Variants in AP4E1 observed in about 807,000 individuals in gnomAD.
AP4E1 encodes adaptor related protein complex 4 subunit epsilon 1.
In AP4E1, 56 loss-of-function variants were observed where a neutral mutation model predicts 128.2. The observed-to-expected ratio is 0.44, with a 90% CI of 0.35 to 0.55. AP4E1 has a LOEUF of 0.55. AP4E1 is among the 20% of genes least tolerant of loss of function. The probability of loss-of-function intolerance (pLI) is 0.00; values close to 1 mark genes in which losing one functional copy is unlikely to be tolerated. For missense variants in AP4E1, 1,324 were observed against 1,307.7 expected (o/e 1.01, Z -0.19); for synonymous variants, 484 against 473.1 (o/e 1.02, Z -0.30).
chr15:50,991,946 C>A (rs2064811277), intron 16 of AP4E1, among the ~76,000 whole-genome samples: 1 of 149,432 alleles, frequency 6.7e-6, no homozygotes, highest in African/African-American at 2.5e-5. Context: ...AAGTCAAGTG[C>A]CAAGGACACA....
intron 8 of AP4E1, among the ~76,000 whole-genome samples, chr15:50,937,795 A>G (rs900828219): frequency 6.6e-6 from 1 of 152,116 alleles, no homozygotes; most frequent in Non-Finnish European, 1.5e-5. Flanking sequence ...TTCAGAGACA[A>G]TGTCTCACCA....
intron 1 of AP4E1, among the ~76,000 whole-genome samples, chr15:50,910,728 T>C (rs2063556859): frequency 6.6e-6 from 1 of 152,262 alleles, no homozygotes; most frequent in Admixed American, 6.5e-5. Context: ...CAATCTTGGC[T>C]CACTGCAACT....
chr15:50,945,557 CT>C (rs1378507313), intron 10 of AP4E1: 8 of 740,410 alleles, frequency 1.1e-5, no homozygotes, highest in Non-Finnish European at 2.0e-5. Flanking sequence ...GAGCTTGTGT[CT>C]GCTAGTTTCG....
chr15:50,939,216 T>C (rs1429723865), intron 8 of AP4E1, among the ~76,000 whole-genome samples: 1 of 152,176 alleles, frequency 6.6e-6, no homozygotes, highest in African/African-American at 2.4e-5. Flanking sequence ...CTCATGCCTG[T>C]AATCCCAGCA....
At chr15:50,981,573 TTGTAA>T (rs1380762780) in intron 15 of AP4E1, among the ~76,000 whole-genome samples, 1 of 152,210 alleles carries the variant, frequency 6.6e-6, no homozygotes, top group Admixed American at 6.5e-5. Context: ...CTTTTGAGAC[TTGTAA>T]TGGAATGAAT....
At chr15:50,928,308 A>G (rs987176262) in intron 5 of AP4E1, among the ~76,000 whole-genome samples, 4 of 152,104 alleles carry the variant, frequency 2.6e-5, no homozygotes, top group African/African-American at 9.7e-5. Context: ...TTTTAATTTG[A>G]GACTGAGTCT....
chr15:50,918,388 C>G lies in AP4E1; in HGVS notation c.346+2817C>G, dbSNP rs533405185. On this transcript the variant is annotated intron_variant, in intron 3 of 20. Transcript: ENST00000261842. Reference sequence around the variant, plus strand: ...GCATGAAATGGGCCTTAGTCCTGCTCTTTCTTGTTACTTGGCTGGCTTCCA... The same window carrying G: ...GCATGAAATGGGCCTTAGTCCTGCTGTTTCTTGTTACTTGGCTGGCTTCCA... Among the ~76,000 whole-genome samples the G allele has an allele frequency of 9.2e-5, 14 of 152,280 alleles. No homozygotes were observed. The South Asian group carries it at 2.9e-3, about 32-fold the overall frequency.
chr15:50,969,749 C>T (rs2064452381), intron 15 of AP4E1, among the ~76,000 whole-genome samples: 1 of 151,260 alleles, frequency 6.6e-6, no homozygotes, highest in Admixed American at 6.6e-5. Flanking sequence ...AGCTCTGCCT[C>T]CTGGGTTCAT....
At chr15:50,946,667 T>C (rs1368074255) in intron 10 of AP4E1, among the ~76,000 whole-genome samples, 1 of 152,204 alleles carries the variant, frequency 6.6e-6, no homozygotes, top group African/African-American at 2.4e-5. Context: ...TTGACAAATA[T>C]GTGGAAATTA....
At position 50,923,368 on chromosome 15, in the gene AP4E1, A is replaced by C. The variant is rs567006535; in HGVS notation, c.347-563A>C. Among the ~76,000 whole-genome samples the C allele has an allele frequency of 7.9e-5, 12 of 152,340 alleles. No homozygotes were observed. The East Asian group carries it at 2.3e-3, about 29-fold the overall frequency. ...AGCCAATGAGTATATTTAATGTGGC[A>C]GACAGTGTTTCTTTCCTAAATAATT... On this transcript the variant is annotated intron_variant, in intron 3 of 20. Coordinates refer to ENST00000261842, the MANE Select transcript of AP4E1 (RefSeq NM_007347.5).
At chr15:50,911,861 G>A (rs1193769938) in intron 1 of AP4E1, among the ~76,000 whole-genome samples, 1 of 152,158 alleles carries the variant, frequency 6.6e-6, no homozygotes. Flanking sequence ...AGGAAGGATG[G>A]GTTAGCCTGG....
intron 15 of AP4E1, among the ~76,000 whole-genome samples, chr15:50,981,285 G>A (rs527929414): frequency 1.3e-5 from 2 of 152,318 alleles, no homozygotes; most frequent in African/African-American, 4.8e-5. Flanking sequence ...AAGGTGGGAC[G>A]TGGAGTCAAG....
chr15:50,963,554 G>A (rs1466267190), intron 14 of AP4E1, among the ~76,000 whole-genome samples: 4 of 152,190 alleles, frequency 2.6e-5, no homozygotes, highest in Admixed American at 2.6e-4. Context: ...GAATAAAGAA[G>A]CTGGGAAGGG....
intron 15 of AP4E1, among the ~76,000 whole-genome samples, chr15:50,982,251 A>C (rs531918520): frequency 1.0e-3 from 156 of 152,224 alleles, no homozygotes; most frequent in African/African-American, 3.6e-3. Flanking sequence ...AAGCCAAGTA[A>C]ATTTCTGTTC....
At position 50,935,274 on chromosome 15, in the gene AP4E1, A is replaced by G. The variant is rs1387066780; in HGVS notation, c.943+577A>G. Among the ~76,000 whole-genome samples, 4 of 151,924 alleles carry G rather than the reference A, an allele frequency of 2.6e-5. No individual in the cohort carries two copies. In the East Asian group the frequency reaches 7.7e-4, roughly 29 times the overall value. ...GGGAAGAATAAAGAAGGTTTTCCTG[A>G]GAAAGAAATATTTAAGAAGACATCT... On this transcript the variant is annotated intron_variant, in intron 8 of 20. Coordinates refer to ENST00000261842, the MANE Select transcript of AP4E1 (RefSeq NM_007347.5).
At chr15:50,922,186 T>A (rs58137325) in intron 3 of AP4E1, among the ~76,000 whole-genome samples, 3 of 143,394 alleles carry the variant, frequency 2.1e-5, no homozygotes, top group South Asian at 2.2e-4. Flanking sequence ...AAAAAAAAAT[T>A]AGCTCGGTGT....
chr15:50,977,445 A>G (rs1372702533), intron 15 of AP4E1, among the ~76,000 whole-genome samples: 4 of 152,082 alleles, frequency 2.6e-5, no homozygotes, highest in Non-Finnish European at 4.4e-5. Context: ...CTCAAACTAG[A>G]TTCTCCCTCT....
intron 15 of AP4E1, among the ~76,000 whole-genome samples, chr15:50,971,247 T>C (rs1596494323): frequency 6.6e-6 from 1 of 152,182 alleles, no homozygotes; most frequent in East Asian, 1.9e-4. Context: ...TTCTTTTTTC[T>C]TTTAGTACTT....
intron 3 of AP4E1, among the ~76,000 whole-genome samples, chr15:50,916,602 A>G (rs1157851037): frequency 6.6e-6 from 1 of 152,228 alleles, no homozygotes; most frequent in Non-Finnish European, 1.5e-5. Flanking sequence ...CTGTGCTATC[A>G]GATGACGGGG....
Sources: gnomAD v4.1 joint callset for allele counts (sites outside exome capture counted in the v4.1 genomes callset) on GRCh38, gnomAD v4.1.1 for gene constraint, MANE v1.5 for transcripts, NCBI Gene and HGNC (gene_info 2026-07-23, HGNC 2026-07-21) for gene names.